The following SLC4A4 variants were observed in gnomAD, a reference collection of about 807,000 sequenced individuals.
SLC4A4 encodes the protein electrogenic sodium bicarbonate cotransporter 1.
SLC4A4 carries 27 observed loss-of-function variants against 111.5 expected under a neutral mutation model. The ratio of observed to expected loss-of-function variants is 0.24; its 90% CI spans 0.18 to 0.33. The LOEUF (loss-of-function observed/expected upper bound fraction) is 0.33, where lower values mean the gene tolerates loss of function less well. Among genes scored for constraint, SLC4A4 ranks in the 10% least tolerant of loss-of-function variants. The pLI is 1.00. For synonymous variants in SLC4A4, 443 were observed against 463.4 expected (o/e 0.96, Z 0.57); for missense variants, 909 against 1,315.5 (o/e 0.69, Z 4.78).
chr4:71,085,978 T>C (rs1242793626), intron 1 of SLC4A4, among the ~76,000 whole-genome samples: 1 of 152,070 alleles, frequency 6.6e-6, no homozygotes, highest in African/African-American at 2.4e-5. Context: ...GCATTGAATC[T>C]ATAAATGACC....
Position 71,453,381 on chromosome 4 carries a change from G to T in SLC4A4, c.1323-114G>T, listed in dbSNP as rs930834470. 6 of 1,054,412 alleles carry T rather than the reference G, an allele frequency of 5.7e-6. No individual in the cohort carries two copies. The South Asian group carries it at 6.4e-5, about 11-fold the overall frequency. 65.3% of individuals were successfully genotyped at this position (1,054,412 alleles called of 1,614,324 possible). A position where few individuals can be genotyped will look rare whatever the true frequency, so the allele number is the denominator to read the frequency against. ...ATCGTAAGTGGTTAAGTAGTATCTT[G>T]TCACTGATTCAAGCATTTTAAATAT... On this transcript the variant is annotated intron_variant, in intron 11 of 25. Transcript: ENST00000264485.
intron 6 of SLC4A4, among the ~76,000 whole-genome samples, chr4:71,369,549 A>C (rs1560447638): frequency 1.3e-5 from 2 of 152,190 alleles, no homozygotes; most frequent in South Asian, 2.1e-4. Context: ...GAAAGCATTC[A>C]AGTGCTAAGT....
chr4:71,357,223 A>G, intron 6 of SLC4A4, 36 bp downstream of exon 6: 3 of 1,591,520 alleles, frequency 1.9e-6, no homozygotes. Context: ...GCTTTCTCTT[A>G]CTTATTTCAC....
chr4:71,120,221 T>G (rs1468657431), intron 2 of SLC4A4, among the ~76,000 whole-genome samples: 1 of 152,224 alleles, frequency 6.6e-6, no homozygotes, highest in Non-Finnish European at 1.5e-5. Flanking sequence ...AAAATTAAGG[T>G]GCCGCCTCTA....
chr4:71,466,957 GAGAGAGAGGGAGAGAGA>G (rs879520171), intron 13 of SLC4A4, among the ~76,000 whole-genome samples: 13,808 of 124,498 alleles, frequency 0.11, 1,155 homozygotes, highest in East Asian at 0.48. Flanking sequence ...GAGAGAGAGA[GAGAGAGAGGGAGAGAGA>G]GAGAGGTCTG....
intron 3 of SLC4A4, among the ~76,000 whole-genome samples, chr4:71,270,420 C>T (rs1221590550): frequency 6.6e-6 from 1 of 152,204 alleles, no homozygotes; most frequent in African/African-American, 2.4e-5. Context: ...CAGCTTCTAC[C>T]TTGTTATTTT....
At chr4:71,395,811 T>G (rs892930764) in intron 6 of SLC4A4, among the ~76,000 whole-genome samples, 2 of 152,214 alleles carry the variant, frequency 1.3e-5, no homozygotes, top group African/African-American at 4.8e-5. Context: ...TACATATAAA[T>G]TATTTGATGA....
chr4:71,374,648 C>T (rs1260993075), intron 6 of SLC4A4, among the ~76,000 whole-genome samples: 1 of 151,998 alleles, frequency 6.6e-6, no homozygotes, highest in African/African-American at 2.4e-5. Context: ...CTTTAGACAA[C>T]TATAAATAGA....
intron 16 of SLC4A4, among the ~76,000 whole-genome samples, chr4:71,505,936 A>G (rs72853283): frequency 0.047 from 7,106 of 152,256 alleles, 546 homozygotes; most frequent in African/African-American, 0.16. Flanking sequence ...GGCACCATTT[A>G]TTAAATGGGG....
chr4:71,079,146 T>C (rs1741923890), intron 1 of SLC4A4, among the ~76,000 whole-genome samples: 1 of 152,262 alleles, frequency 6.6e-6, no homozygotes, highest in African/African-American at 2.4e-5. Context: ...ATTGAGGTCA[T>C]GAATAGTTAT....
intron 1 of SLC4A4, among the ~76,000 whole-genome samples, chr4:71,066,357 G>A (rs1458554750): frequency 6.6e-6 from 1 of 152,052 alleles, no homozygotes; most frequent in South Asian, 2.1e-4. Flanking sequence ...GTGAAGCTAG[G>A]TATTATTTCC....
At chr4:71,483,376 C>T (rs1420200951) in intron 14 of SLC4A4, among the ~76,000 whole-genome samples, 4 of 151,870 alleles carry the variant, frequency 2.6e-5, no homozygotes, top group African/African-American at 9.7e-5. Context: ...TTTATGTGTC[C>T]ATGTGTTCTC....
At chr4:71,363,393 G>C (rs1730975527) in intron 6 of SLC4A4, among the ~76,000 whole-genome samples, 1 of 152,126 alleles carries the variant, frequency 6.6e-6, no homozygotes, top group African/African-American at 2.4e-5. Context: ...CCACCGCCAG[G>C]TCTGGTAGCT....
chr4:71,530,185 C>T (rs1040661511), intron 16 of SLC4A4, among the ~76,000 whole-genome samples: 3 of 151,978 alleles, frequency 2.0e-5, no homozygotes, highest in African/African-American at 7.3e-5. Flanking sequence ...TTTCAAAGAC[C>T]ACCTGACAGT....
intron 1 of SLC4A4, among the ~76,000 whole-genome samples, chr4:71,190,495 A>G (rs1745685490): frequency 6.6e-6 from 1 of 151,842 alleles, no homozygotes; most frequent in Non-Finnish European, 1.5e-5. Context: ...CTACTTTCGT[A>G]ATACTTCTGT....
chr4:71,184,027 T>C (rs1405131246), upstream of SLC4A4, among the ~76,000 whole-genome samples: 1 of 152,206 alleles, frequency 6.6e-6, no homozygotes, highest in Non-Finnish European at 1.5e-5. Flanking sequence ...AATAGTTATA[T>C]TTATGGATTC....
chr4:71,253,504 T>A (rs1417970969), intron 2 of SLC4A4, among the ~76,000 whole-genome samples: 1 of 152,220 alleles, frequency 6.6e-6, no homozygotes, highest in African/African-American at 2.4e-5. Context: ...AATTTGTGTG[T>A]GTTTTCTTGA....
intron 18 of SLC4A4, among the ~76,000 whole-genome samples, chr4:71,543,253 C>T (rs577481599): frequency 1.3e-5 from 2 of 152,134 alleles, no homozygotes; most frequent in East Asian, 3.9e-4. Context: ...CTGGTGAGAA[C>T]CAGTGATTGA....
rs190439842 is a variant in SLC4A4, at chr4:71,078,595, C to A, written c.-64-14135C>A. On this transcript the variant is annotated intron_variant, in intron 1 of 26. Transcript: ENST00000649996. ...TTAGTGCAACAAAAGAAAAAATAAACACATTGAGTATCAAATTTTAAGATG... is the reference window on the plus strand; with the variant it reads ...TTAGTGCAACAAAAGAAAAAATAAAAACATTGAGTATCAAATTTTAAGATG... Among the ~76,000 whole-genome samples, 298 of 152,168 alleles carry A rather than the reference C, an allele frequency of 2.0e-3. 1 individual carries two copies. The highest frequency in any genetic ancestry group is 6.9e-3 in the African/African-American group (286 of 41,528).
Sources: allele counts gnomAD v4.1 joint callset (sites outside exome capture counted in the v4.1 genomes callset), GRCh38; gene constraint gnomAD v4.1.1; transcripts MANE v1.5; gene names NCBI Gene and HGNC (gene_info 2026-07-23, HGNC 2026-07-21).